STK31: variants seen among roughly 807,000 people sequenced by gnomAD.
The protein encoded by STK31 is serine/threonine kinase 31, also known as serine/threonine-protein kinase 31.
Under a neutral mutation model 129.7 loss-of-function variants are expected in STK31, and 89 were observed. The observed-to-expected ratio is 0.69, with a 90% CI of 0.58 to 0.82. The LOEUF is 0.82. Among genes scored for constraint, STK31 ranks in the 40% least tolerant of loss-of-function variants. STK31 has a pLI of 0.00. For synonymous variants in STK31, 448 were observed against 395.3 expected (o/e 1.13, Z -1.58); for missense variants, 1,187 against 1,176.4 (o/e 1.01, Z -0.13).
intron 6 of STK31, among the ~76,000 whole-genome samples, chr7:23,729,690 G>A (rs2128074384): frequency 6.6e-6 from 1 of 151,712 alleles, no homozygotes. Context: ...TTGTATTTTT[G>A]GTAGAGTTGG....
intron 3 of STK31, among the ~76,000 whole-genome samples, chr7:23,714,645 C>T (rs909222194): frequency 1.3e-5 from 2 of 152,144 alleles, no homozygotes; most frequent in Non-Finnish European, 2.9e-5. Context: ...ATTAGACTTA[C>T]AGCATATCTC....
intron 18 of STK31, among the ~76,000 whole-genome samples, chr7:23,786,163 T>A (rs1305135366): frequency 6.6e-6 from 1 of 152,122 alleles, no homozygotes; most frequent in Non-Finnish European, 1.5e-5. Context: ...ATTCTTGATT[T>A]TCTTACATTT....
intron 22 of STK31, among the ~76,000 whole-genome samples, chr7:23,797,741 A>G (rs1247212110): frequency 1.3e-5 from 2 of 152,192 alleles, no homozygotes; most frequent in Non-Finnish European, 2.9e-5. Context: ...AGCTAGTAGA[A>G]GACAAGAAAT....
intron 22 of STK31, among the ~76,000 whole-genome samples, chr7:23,810,709 T>A (rs866046577): frequency 2.7e-5 from 2 of 74,652 alleles, no homozygotes; most frequent in Non-Finnish European, 5.0e-5. Context: ...TAGATATATA[T>A]AAAATAGATA....
chr7:23,824,696 C>T (rs976710064), intron 23 of STK31, among the ~76,000 whole-genome samples: 3 of 152,126 alleles, frequency 2.0e-5, no homozygotes, highest in Non-Finnish European at 2.9e-5. Flanking sequence ...GGGAATGCTT[C>T]CAGTTTTTGT....
At position 23,754,174 on chromosome 7, in the gene STK31, T is replaced by A. The variant is rs1435167509; in HGVS notation, c.1134-141T>A. 2.0e-5 allele frequency: 12 copies of A among 602,826 alleles called. No individual in the cohort carries two copies. The Admixed American group carries it at 4.2e-4, about 21-fold the overall frequency. The allele number at this position is 602,826 out of a possible 1,614,324, so 37.3% of individuals were successfully genotyped here. A position where few individuals can be genotyped will look rare whatever the true frequency, so the allele number is the denominator to read the frequency against. On this transcript the variant is annotated intron_variant, in intron 9 of 23. Transcript: ENST00000355870. ...GAAAAAAATAAGTTATACATGATTT[T>A]ATATAAAGTTTTAAAAGGTACCCCT...
intron 23 of STK31, among the ~76,000 whole-genome samples, chr7:23,823,200 T>C (rs2128130909): frequency 6.6e-6 from 1 of 152,342 alleles, no homozygotes; most frequent in Middle Eastern, 3.4e-3. Flanking sequence ...TGAACTAGTT[T>C]ACAGTCCCAC....
At chr7:23,817,188 A>G (rs12700482) in intron 23 of STK31, among the ~76,000 whole-genome samples, 1 of 149,864 alleles carries the variant, frequency 6.7e-6, no homozygotes, top group East Asian at 2.0e-4. Context: ...ACTTTGTCTC[A>G]AAAAAAAAAA....
chr7:23,773,337 C>T (rs1429116284), intron 15 of STK31, among the ~76,000 whole-genome samples: 4 of 152,084 alleles, frequency 2.6e-5, no homozygotes, highest in Admixed American at 6.6e-5. Flanking sequence ...CTGATGGTTT[C>T]CAGTTTCATC....
intron 6 of STK31, among the ~76,000 whole-genome samples, chr7:23,732,204 A>G (rs1428497910): frequency 5.9e-5 from 9 of 152,090 alleles, no homozygotes; most frequent in Admixed American, 3.9e-4. Context: ...CCCGCTACTC[A>G]GGAGGCTGAG....
intron 3 of STK31, among the ~76,000 whole-genome samples, chr7:23,714,623 T>A (rs1278318850): frequency 6.6e-6 from 1 of 152,236 alleles, no homozygotes; most frequent in Non-Finnish European, 1.5e-5. Context: ...GTCTTTGAAA[T>A]CCAGTGTGTA....
At position 23,786,856 on chromosome 7, in the gene STK31, C is replaced by A. The variant is rs1422462671; in HGVS notation, c.2419C>A (p.Leu807Met). Residue 807 changes from leucine to methionine, a missense_variant, in exon 20 of 24, where the codon CTG becomes ATG. By Grantham distance (15) the Leu-to-Met change is conservative (BLOSUM62 2). Transcript: ENST00000355870. ...FLCKSDPMAY[L>M]MVPYYPRANL... The stretch of plus-strand genomic sequence containing the variant: ...TTCTTAGTCTGATCCTATGGCTTAT[C>A]TGATGGTCCCATACTACCCTAGGGC... 5.6e-6 allele frequency: 9 copies of A among 1,613,760 alleles called. No individual in the cohort carries two copies. In the East Asian group the frequency reaches 2.0e-4, roughly 36 times the overall value.
At chr7:23,830,693 C>T (rs1208008247) in intron 23 of STK31, among the ~76,000 whole-genome samples, 1 of 151,662 alleles carries the variant, frequency 6.6e-6, no homozygotes, top group Non-Finnish European at 1.5e-5. Context: ...GATCTCATCT[C>T]ACTGCAACTT....
chr7:23,830,312 C>G (rs1794464341), intron 23 of STK31, among the ~76,000 whole-genome samples: 1 of 151,574 alleles, frequency 6.6e-6, no homozygotes, highest in Non-Finnish European at 1.5e-5. Flanking sequence ...CATCGTTATT[C>G]TTCGTTTTCT....
chr7:23,759,622 G>A (rs945730468), intron 10 of STK31, among the ~76,000 whole-genome samples: 2 of 152,150 alleles, frequency 1.3e-5, no homozygotes, highest in African/African-American at 2.4e-5. Flanking sequence ...TGGATAAGGG[G>A]TAGCAAAATC....
chr7:23,781,694 A>G (rs1337608569), intron 16 of STK31, among the ~76,000 whole-genome samples, 174 bp downstream of exon 16: 1 of 152,244 alleles, frequency 6.6e-6, no homozygotes, highest in Non-Finnish European at 1.5e-5. Flanking sequence ...TTCACATGAC[A>G]AAATATTCTG....
At chr7:23,810,687 TTA>T (rs1562623157) in intron 22 of STK31, among the ~76,000 whole-genome samples, 3 of 118,482 alleles carry the variant, frequency 2.5e-5, no homozygotes, top group South Asian at 4.5e-4. Flanking sequence ...AAAATAGATA[TTA>T]TATATAAAAT....
upstream of STK31, chr7:23,710,206 G>A (rs1261134913): frequency 1.2e-6 from 2 of 1,608,712 alleles, no homozygotes; most frequent in East Asian, 2.2e-5. Context: ...CGCAGGCGCA[G>A]TGTGGGGCCC....
intron 6 of STK31, among the ~76,000 whole-genome samples, chr7:23,734,880 G>A (rs747780592): frequency 2.0e-5 from 3 of 152,104 alleles, no homozygotes; most frequent in East Asian, 3.9e-4. Context: ...CAGGAGAATC[G>A]CTTGAACCGG....
Sources: allele counts gnomAD v4.1 joint callset (sites outside exome capture counted in the v4.1 genomes callset), GRCh38; gene constraint gnomAD v4.1.1; transcripts MANE v1.5; gene names NCBI Gene and HGNC (gene_info 2026-07-23, HGNC 2026-07-21).